Variants in TMPRSS11F observed in about 807,000 individuals in gnomAD.
TMPRSS11F encodes transmembrane protease serine 11F.
A neutral mutation model predicts 60.2 loss-of-function variants in TMPRSS11F; 47 were observed. That is an observed-to-expected ratio of 0.78 (90% CI 0.62 to 1.00). The LOEUF (loss-of-function observed/expected upper bound fraction) is 1.00. Among genes scored for constraint, TMPRSS11F ranks in the 50% least tolerant of loss-of-function variants. TMPRSS11F has a pLI of 0.00. For missense variants in TMPRSS11F, 519 were observed against 522.9 expected (o/e 0.99, Z 0.07); for synonymous variants, 166 against 167.3 (o/e 0.99, Z 0.06).
In TMPRSS11F at chr4:68,106,605, A is replaced by G. The variant is rs949311013; in HGVS notation, c.12-7567T>C. Among the ~76,000 whole-genome samples the G allele has an allele frequency of 3.3e-5, 5 of 151,984 alleles. No individual in the cohort carries two copies. The East Asian group carries it at 9.6e-4, about 29-fold the overall frequency. On this transcript the variant is annotated intron_variant, in intron 1 of 9. Coordinates refer to ENST00000356291, the MANE Select transcript of TMPRSS11F (RefSeq NM_207407.2). ...CAAAGTGGTGGGAAACTGCGGGGGG[A>G]GGGGTTACAACTATGAGTTAATACA...
At chr4:68,098,402 C>A (rs1029199666) in intron 2 of TMPRSS11F, among the ~76,000 whole-genome samples, 1 of 152,110 alleles carries the variant, frequency 6.6e-6, no homozygotes, top group Non-Finnish European at 1.5e-5. Flanking sequence ...TCCATTTTTG[C>A]ATATATAATT....
At chr4:68,098,048 T>TA (rs1158430092) in intron 2 of TMPRSS11F, among the ~76,000 whole-genome samples, 1 of 152,158 alleles carries the variant, frequency 6.6e-6, no homozygotes, top group Non-Finnish European at 1.5e-5. Context: ...CTGATGTCTA[T>TA]AATCCCAGCA....
At chr4:68,101,658 G>C (rs1724192570) in intron 1 of TMPRSS11F, among the ~76,000 whole-genome samples, 1 of 152,056 alleles carries the variant, frequency 6.6e-6, no homozygotes, top group Non-Finnish European at 1.5e-5. Flanking sequence ...AAACCCGAAT[G>C]AGTTGGATGC....
chr4:68,079,502 C>G (rs1288688284), intron 3 of TMPRSS11F, among the ~76,000 whole-genome samples: 1 of 152,150 alleles, frequency 6.6e-6, no homozygotes, highest in Admixed American at 6.5e-5. Flanking sequence ...AGATTGTTTA[C>G]TGCTTCTAAG....
chr4:68,125,445 G>C (rs139186277), intron 1 of TMPRSS11F, among the ~76,000 whole-genome samples: 1 of 152,122 alleles, frequency 6.6e-6, no homozygotes, highest in East Asian at 1.9e-4. Flanking sequence ...AGTCATATAT[G>C]ATACTGGAAG....
intron 2 of TMPRSS11F, among the ~76,000 whole-genome samples, chr4:68,093,367 CCCTT>C (rs1723984307): frequency 6.6e-6 from 1 of 152,056 alleles, no homozygotes; most frequent in South Asian, 2.1e-4. Context: ...GAAACTGGAT[CCCTT>C]CCTTACACCT....
Position 68,083,317 on chromosome 4 carries a change from T to A in TMPRSS11F, c.282+7206A>T, listed in dbSNP as rs575140851. 2.0e-5 allele frequency among the ~76,000 whole-genome samples: 3 copies of A among 152,192 alleles called. No homozygotes were observed. In the South Asian group the frequency reaches 6.2e-4, roughly 32 times the overall value. On this transcript the variant is annotated intron_variant, in intron 3 of 9. Transcript: ENST00000356291. ...GAAATGAGGGCATGGTGCCAGTGAT[T>A]AAAGGGGGCCCCCTAAGGCACAGGG...
At chr4:68,102,407 A>G (rs770248133) in intron 1 of TMPRSS11F, among the ~76,000 whole-genome samples, 2 of 152,176 alleles carry the variant, frequency 1.3e-5, no homozygotes, top group Non-Finnish European at 2.9e-5. Flanking sequence ...CTGTTTTTAA[A>G]AATGTCTGTA....
At chr4:68,070,049 T>A (rs1244788564) in intron 5 of TMPRSS11F, 42 bp from the exon 6 acceptor site, 2 of 1,556,314 alleles carry the variant, frequency 1.3e-6, no homozygotes, top group South Asian at 1.1e-5. Flanking sequence ...GAAGAATATA[T>A]TCCCATTTTC....
At chr4:68,106,167 T>C (rs910795271) in intron 1 of TMPRSS11F, among the ~76,000 whole-genome samples, 1 of 152,166 alleles carries the variant, frequency 6.6e-6, no homozygotes, top group African/African-American at 2.4e-5. Context: ...CTTTTGGTAA[T>C]TTAAATAGAA....
chr4:68,110,807 CTT>C (rs1221814337), intron 1 of TMPRSS11F, among the ~76,000 whole-genome samples: 5 of 152,100 alleles, frequency 3.3e-5, no homozygotes, highest in African/African-American at 1.2e-4. Flanking sequence ...ATCCAAATGT[CTT>C]TGTTCCTCTT....
Position 68,053,341 on chromosome 4 carries a change from A to C in TMPRSS11F, c.*568T>G, listed in dbSNP as rs1722980465. 6.6e-6 allele frequency: 1 copy of C among 152,640 alleles called. No individual in the cohort carries two copies. The allele number at this position is 152,640 out of a possible 1,614,324, so 9.5% of individuals were successfully genotyped here. A position where few individuals can be genotyped will look rare whatever the true frequency, so the allele number is the denominator to read the frequency against. ...CTGTGTTAACAGCAAGTTCAGATAC[A>C]TTTAAAAACTTTTAAAATGTCAACT... is the stretch of plus-strand genomic sequence containing the variant. On this transcript the variant is annotated 3_prime_UTR_variant, in exon 10 of 10. Coordinates refer to ENST00000356291, the MANE Select transcript of TMPRSS11F (RefSeq NM_207407.2).
chr4:68,087,536 A>G (rs1216287315), intron 3 of TMPRSS11F, among the ~76,000 whole-genome samples: 4 of 152,102 alleles, frequency 2.6e-5, no homozygotes, highest in Admixed American at 2.6e-4. Context: ...GAAAAAAGTA[A>G]AAGGCATCCA....
intron 1 of TMPRSS11F, among the ~76,000 whole-genome samples, chr4:68,105,865 C>G (rs1013651868): frequency 2.6e-5 from 4 of 152,062 alleles, no homozygotes; most frequent in African/African-American, 9.7e-5. Context: ...GTATTTACTA[C>G]CCAAATTCTC....
chr4:68,064,031 T>C (rs943120046), intron 8 of TMPRSS11F, among the ~76,000 whole-genome samples: 2 of 152,146 alleles, frequency 1.3e-5, no homozygotes, highest in African/African-American at 4.8e-5. Context: ...TGTGATTACT[T>C]ACTGCCTTGC....
At chr4:68,062,327 A>T (rs1723201693) in intron 8 of TMPRSS11F, 38 of 457,048 alleles carry the variant, frequency 8.3e-5, no homozygotes, top group South Asian at 6.3e-4. Flanking sequence ...ATGATAATGT[A>T]CGTTTCTCAG....
intron 1 of TMPRSS11F, among the ~76,000 whole-genome samples, chr4:68,101,186 G>C (rs1724183532): frequency 6.6e-6 from 1 of 152,134 alleles, no homozygotes; most frequent in African/African-American, 2.4e-5. Flanking sequence ...CTTCTGCCTA[G>C]TGATTAGCTA....
chr4:68,076,441 G>A (rs768527503), intron 3 of TMPRSS11F, among the ~76,000 whole-genome samples: 4 of 152,174 alleles, frequency 2.6e-5, no homozygotes, highest in Non-Finnish European at 5.9e-5. Flanking sequence ...TTAGTTGTGT[G>A]ATCTGGCACT....
intron 1 of TMPRSS11F, among the ~76,000 whole-genome samples, chr4:68,116,099 T>C (rs28630052): frequency 0.31 from 47,134 of 151,742 alleles, 7,472 homozygotes; most frequent in East Asian, 0.48. Context: ...AAAAAACCCT[T>C]ACAATTATAA....
Sources: allele counts gnomAD v4.1 joint callset (sites outside exome capture counted in the v4.1 genomes callset), GRCh38; gene constraint gnomAD v4.1.1; transcripts MANE v1.5; gene names NCBI Gene and HGNC (gene_info 2026-07-23, HGNC 2026-07-21).